NAV1: variants seen among roughly 807,000 people sequenced by gnomAD.
NAV1 encodes the protein neuron navigator 1.
A neutral mutation model predicts 175.2 loss-of-function variants in NAV1; 18 were observed. The ratio of observed to expected loss-of-function variants is 0.10; its 90% CI spans 0.07 to 0.15. The LOEUF (loss-of-function observed/expected upper bound fraction) is 0.15. Ranked by LOEUF, NAV1 falls within the 10% of genes least tolerant of loss-of-function variation. The pLI is 1.00. For missense variants in NAV1, 1,731 were observed against 2,436.6 expected (o/e 0.71, Z 6.10); for synonymous variants, 897 against 978.7 (o/e 0.92, Z 1.56).
intron 1 of NAV1, among the ~76,000 whole-genome samples, chr1:201,696,593 G>A (rs1475741172): frequency 6.6e-6 from 1 of 152,228 alleles, no homozygotes; most frequent in Non-Finnish European, 1.5e-5. Flanking sequence ...TGGCAGTTCT[G>A]TATCTCATTC....
At chr1:201,570,029 A>G (rs1452780005) in intron 1 of NAV1, among the ~76,000 whole-genome samples, 2 of 152,200 alleles carry the variant, frequency 1.3e-5, no homozygotes, top group Non-Finnish European at 2.9e-5. Flanking sequence ...TTAACTGTAA[A>G]ATACCATTTT....
At chr1:201,570,204 C>T (rs987341093) in intron 1 of NAV1, among the ~76,000 whole-genome samples, 7 of 152,174 alleles carry the variant, frequency 4.6e-5, no homozygotes, top group Admixed American at 1.3e-4. Flanking sequence ...GAGCCCATGG[C>T]CCACATGTAG....
intron 1 of NAV1, among the ~76,000 whole-genome samples, chr1:201,706,552 G>C (rs1164231165): frequency 6.6e-6 from 1 of 152,150 alleles, no homozygotes; most frequent in Non-Finnish European, 1.5e-5. Context: ...AGGGATTGTT[G>C]TTCCCCCACC....
intron 1 of NAV1, among the ~76,000 whole-genome samples, chr1:201,549,413 T>C (rs1206080850): frequency 6.6e-6 from 1 of 152,058 alleles, no homozygotes; most frequent in African/African-American, 2.4e-5. Context: ...TTTGCCATGT[T>C]GCCCAGGCTG....
Position 201,812,618 on chromosome 1 carries a change from C to G in NAV1, c.5178C>G (p.Leu1726=), listed in dbSNP as rs1184832020. Residue 1726 remains leucine (L), a synonymous_variant, in exon 27 of 30, where the codon CTC becomes CTG. Coordinates refer to ENST00000367296, the Ensembl canonical transcript of NAV1. The surrounding 1 kb of genome is among the most constrained non-coding windows in gnomAD (Gnocchi z 4.6). ...GGGTACCCAAGCTGTGGTATCATCT[C>G]CACACCTTCCTTGAGAAGCACAGCA... 1 of 1,613,984 alleles carries G rather than the reference C, an allele frequency of 6.2e-7. No homozygotes were observed. The highest frequency in any genetic ancestry group is 1.7e-5 in the Admixed American group (1 of 60,008).
intron 22 of NAV1, 33 bp downstream of exon 26, chr1:201,809,570 C>A: frequency 6.3e-7 from 1 of 1,589,698 alleles, no homozygotes; most frequent in South Asian, 1.1e-5. Context: ...AAAGGTTGTT[C>A]ATCCTCTCGT....
chr1:201,813,285 C>T lies in NAV1; in HGVS notation c.5340+27C>T, dbSNP rs376806320. 3 of 1,445,098 alleles carry T rather than the reference C, an allele frequency of 2.1e-6. No homozygotes were observed. Among genetic ancestry groups the T allele is most frequent in the Admixed American group, 1.7e-5 (1 of 58,294 alleles). The allele number at this position is 1,445,098 out of a possible 1,614,324, so 89.5% of individuals were successfully genotyped here. ...TGAGCCCTACCCCCTTCACTCAAAC[C>T]CTAAGATCAGGCTGTCCTACCTAAC... On this transcript the variant is annotated intron_variant, in intron 28 of 29. Coordinates refer to ENST00000367296, the Ensembl canonical transcript of NAV1. This position sits in a 1 kb window ranked among gnomAD's most constrained non-coding sequence, Gnocchi z 4.2.
At chr1:201,631,033 T>C (rs1319216293) in intron 2 of NAV1, among the ~76,000 whole-genome samples, 1 of 152,210 alleles carries the variant, frequency 6.6e-6, no homozygotes, top group Non-Finnish European at 1.5e-5. Flanking sequence ...ACTGGTTAGA[T>C]GTGAAACTGT....
chr1:201,549,026 C>A (rs925295600), intron 1 of NAV1, among the ~76,000 whole-genome samples: 2 of 152,128 alleles, frequency 1.3e-5, no homozygotes, highest in East Asian at 1.9e-4. Context: ...ATGGTGACCA[C>A]CCAAAACAGT....
At chr1:201,569,522 T>TA (rs1211255623) in intron 1 of NAV1, among the ~76,000 whole-genome samples, 38 of 152,208 alleles carry the variant, frequency 2.5e-4, no homozygotes, top group African/African-American at 9.2e-4. Flanking sequence ...CTCTTCACTT[T>TA]AGAGGTTCTC....
At chr1:201,567,297 T>C (rs894297193) in intron 1 of NAV1, among the ~76,000 whole-genome samples, 41 of 152,218 alleles carry the variant, frequency 2.7e-4, no homozygotes, top group African/African-American at 9.4e-4. Context: ...CTGTTGTTTT[T>C]TCTGATGGGG....
intron 1 of NAV1, among the ~76,000 whole-genome samples, chr1:201,701,412 T>TAAAA (rs969642968): frequency 1.6e-5 from 1 of 63,450 alleles, no homozygotes; most frequent in Non-Finnish European, 4.1e-5. Context: ...TAAAGTATAA[T>TAAAA]AAAAAAAATA....
intron 1 of NAV1, among the ~76,000 whole-genome samples, chr1:201,557,970 CA>C (rs1168360225): frequency 1.3e-5 from 2 of 152,044 alleles, no homozygotes; most frequent in Non-Finnish European, 2.9e-5. Flanking sequence ...GCCTGGACTC[CA>C]AAAAACAAAA....
Position 201,810,769 on chromosome 1 carries a change from C to T in NAV1, c.4797+11C>T. ...CAGCAGTCTTGCAAGGTGGCTGCCC[C>T]CCGACACCCCTGCCAGCCTTTGTTC... On this transcript the variant is annotated intron_variant, in intron 24 of 29. Transcript: ENST00000367296. This position sits in a 1 kb window ranked among gnomAD's most constrained non-coding sequence, Gnocchi z 6.0. 1 of 1,605,704 alleles carries T rather than the reference C, an allele frequency of 6.2e-7. No homozygotes were observed. The highest frequency in any genetic ancestry group is 1.7e-5 in the Admixed American group (1 of 59,804).
At chr1:201,596,913 C>T (rs1219953814) in intron 2 of NAV1, among the ~76,000 whole-genome samples, 1 of 152,150 alleles carries the variant, frequency 6.6e-6, no homozygotes, top group Non-Finnish European at 1.5e-5. Context: ...GCAACCTCCG[C>T]CTCCTGGGTT....
chr1:201,747,879 C>T (rs1353620865), intron 3 of NAV1, among the ~76,000 whole-genome samples: 3 of 152,332 alleles, frequency 2.0e-5, no homozygotes, highest in South Asian at 2.1e-4. Flanking sequence ...ACTCAGATTC[C>T]CATGCTTGCT....
rs558209388 is a variant in NAV1 at position 201,819,698 on chromosome 1, T to A, written c.5539-139T>A. Reference sequence around the variant, plus strand: ...CAGGGTCTCTCTTTGTTTTCAAAGCTGATTGCAAACTCCTGGCTTCAAGCT... The same window carrying A: ...CAGGGTCTCTCTTTGTTTTCAAAGCAGATTGCAAACTCCTGGCTTCAAGCT... On this transcript the variant is annotated intron_variant, in intron 29 of 29. Coordinates refer to ENST00000367296, the Ensembl canonical transcript of NAV1. 11 of 673,082 alleles carry A rather than the reference T, an allele frequency of 1.6e-5. No individual in the cohort carries two copies. In the East Asian group the frequency reaches 2.6e-4, roughly 16 times the overall value. The allele number at this position is 673,082 out of a possible 1,614,324, so 41.7% of individuals were successfully genotyped here. A position where few individuals can be genotyped will look rare whatever the true frequency, so the allele number is the denominator to read the frequency against.
At chr1:201,637,743 C>T (rs1402418366) in intron 2 of NAV1, among the ~76,000 whole-genome samples, 3 of 152,194 alleles carry the variant, frequency 2.0e-5, no homozygotes, top group Non-Finnish European at 4.4e-5. Context: ...GCCACAGGCA[C>T]ACACCCTACC....
At chr1:201,590,715 G>A (rs939922958) in intron 2 of NAV1, among the ~76,000 whole-genome samples, 27 of 152,248 alleles carry the variant, frequency 1.8e-4, no homozygotes, top group Admixed American at 1.8e-3. Context: ...CCAGGAGCCA[G>A]TGGGCTGGCT....
Sources: allele counts gnomAD v4.1 joint callset (sites outside exome capture counted in the v4.1 genomes callset), GRCh38; gene constraint gnomAD v4.1.1; non-coding constraint Gnocchi (gnomAD v3.1); transcripts MANE v1.5; gene names NCBI Gene and HGNC (gene_info 2026-07-23, HGNC 2026-07-21).